WWOX: variants seen among roughly 807,000 people sequenced by gnomAD.
WWOX encodes WW domain-containing oxidoreductase.
In WWOX, 69 loss-of-function variants were observed where a neutral mutation model predicts 46.2. That is an observed-to-expected ratio of 1.49 (90% CI 1.23 to 1.82). WWOX has a LOEUF of 1.82. Among genes scored for constraint, WWOX ranks in the 40% most tolerant of loss-of-function variants. The pLI is 0.00. For synonymous variants in WWOX, 359 were observed against 202.6 expected (o/e 1.77, Z -6.56); for missense variants, 919 against 542.6 (o/e 1.69, Z -6.89).
intron 4 of WWOX, among the ~76,000 whole-genome samples, chr16:78,117,066 G>T (rs1470249113): frequency 6.6e-6 from 1 of 152,232 alleles, no homozygotes; most frequent in Non-Finnish European, 1.5e-5. Context: ...AGGAGATTCT[G>T]AAGCATTGAG....
At chr16:78,432,902 T>G in intron 8 of WWOX, 150 bp downstream of exon 8, 2 of 1,268,884 alleles carry the variant, frequency 1.6e-6, no homozygotes, top group Non-Finnish European at 2.3e-6. Flanking sequence ...GAACACATTT[T>G]CATCAACTTT....
intron 8 of WWOX, among the ~76,000 whole-genome samples, chr16:78,754,094 T>G (rs965612885): frequency 1.5e-4 from 23 of 151,998 alleles, no homozygotes; most frequent in Admixed American, 2.6e-4. Context: ...CTAAGTATTA[T>G]TAGATTGTGA....
chr16:78,223,909 A>T (rs1407865772), intron 5 of WWOX, among the ~76,000 whole-genome samples: 1 of 152,230 alleles, frequency 6.6e-6, no homozygotes, highest in African/African-American at 2.4e-5. Flanking sequence ...TGTTTTATAG[A>T]TGAGGAAACA....
intron 8 of WWOX, among the ~76,000 whole-genome samples, chr16:78,585,684 TTTGTTTTTTTTTG>T (rs2045181422): frequency 1.3e-5 from 2 of 149,572 alleles, no homozygotes; most frequent in Admixed American, 1.3e-4. Flanking sequence ...GGTTTTTTTT[TTTGTTTTTTTTTG>T]TTTTTTTTGT....
rs1243260885 is a variant in WWOX at position 79,185,442 on chromosome 16, T to G, written c.1057-26166T>G. Among the ~76,000 whole-genome samples, 3 of 152,232 alleles carry G rather than the reference T, an allele frequency of 2.0e-5. No individual in the cohort carries two copies. The East Asian group carries it at 5.8e-4, about 29-fold the overall frequency. On this transcript the variant is annotated intron_variant, in intron 8 of 8. Transcript: ENST00000566780. Reference sequence around the variant, plus strand: ...ATATTTTCTAACTGGGAGACAATTTTTTTCTTTAACAATTACTTTTGGACA... The same window carrying G: ...ATATTTTCTAACTGGGAGACAATTTGTTTCTTTAACAATTACTTTTGGACA...
At chr16:78,595,055 T>C (rs983348000) in intron 8 of WWOX, among the ~76,000 whole-genome samples, 10 of 152,180 alleles carry the variant, frequency 6.6e-5, no homozygotes, top group African/African-American at 2.4e-4. Context: ...GTCAAGAGGC[T>C]TGGGGACCCC....
chr16:78,710,378 T>C (rs1567507407), intron 8 of WWOX, among the ~76,000 whole-genome samples: 1 of 149,006 alleles, frequency 6.7e-6, no homozygotes, highest in Non-Finnish European at 1.5e-5. Flanking sequence ...GCACTAACCC[T>C]CCAGAGCCTT....
chr16:78,560,907 C>A (rs977993711), intron 8 of WWOX, among the ~76,000 whole-genome samples: 2 of 152,060 alleles, frequency 1.3e-5, no homozygotes, highest in African/African-American at 2.4e-5. Context: ...ACACACTTAG[C>A]AGTTCACATT....
intron 6 of WWOX, among the ~76,000 whole-genome samples, chr16:78,391,969 C>T (rs1206481996): frequency 6.6e-6 from 1 of 150,910 alleles, no homozygotes; most frequent in East Asian, 1.9e-4. Context: ...AAGGTCGATG[C>T]ATTTTTAATC....
At chr16:78,931,202 A>T (rs1212106594) in intron 8 of WWOX, among the ~76,000 whole-genome samples, 1 of 152,328 alleles carries the variant, frequency 6.6e-6, no homozygotes, top group Admixed American at 6.5e-5. Context: ...CACACTCAGG[A>T]ATAGTGGAAA....
intron 6 of WWOX, among the ~76,000 whole-genome samples, chr16:78,422,780 TATATACACACACAC>T (rs1335777926): frequency 4.7e-5 from 6 of 127,730 alleles, no homozygotes; most frequent in East Asian, 2.2e-4. Context: ...CACACATATA[TATATACACACACAC>T]ATATATATAC....
intron 5 of WWOX, among the ~76,000 whole-genome samples, chr16:78,187,413 C>T (rs1006342563): frequency 2.0e-5 from 3 of 152,172 alleles, no homozygotes; most frequent in Non-Finnish European, 4.4e-5. Context: ...GAGTTCTAGA[C>T]CAACATGGTG....
At chr16:78,115,315 A>G (rs781033077) in intron 4 of WWOX, among the ~76,000 whole-genome samples, 161 bp downstream of exon 4, 18 of 152,122 alleles carry the variant, frequency 1.2e-4, no homozygotes, top group Non-Finnish European at 2.1e-4. Context: ...TTTAAATCCT[A>G]ATGTTGTCAT....
At chr16:78,792,688 C>G (rs779784434) in intron 8 of WWOX, among the ~76,000 whole-genome samples, 57 of 152,108 alleles carry the variant, frequency 3.7e-4, no homozygotes, top group Non-Finnish European at 6.9e-4. Context: ...ATGGATAGAG[C>G]TTACTATACA....
intron 8 of WWOX, among the ~76,000 whole-genome samples, chr16:78,546,034 A>G (rs1185122095): frequency 6.6e-6 from 1 of 152,168 alleles, no homozygotes; most frequent in Non-Finnish European, 1.5e-5. Flanking sequence ...AGTCTGTAAC[A>G]TGCTCTATGC....
At chr16:78,323,104 A>AT (rs199808142) in intron 5 of WWOX, among the ~76,000 whole-genome samples, 38 of 150,820 alleles carry the variant, frequency 2.5e-4, no homozygotes, top group East Asian at 1.2e-3. Flanking sequence ...GGGTTCTTGT[A>AT]TTTTTTTTTG....
chr16:79,153,476 C>T (rs138588071), intron 8 of WWOX, among the ~76,000 whole-genome samples: 195 of 152,220 alleles, frequency 1.3e-3, no homozygotes, highest in African/African-American at 4.5e-3. Context: ...ATCGGGAATG[C>T]CTTTTGTCGT....
At chr16:78,324,356 G>A (rs2080561195) in intron 5 of WWOX, among the ~76,000 whole-genome samples, 1 of 152,054 alleles carries the variant, frequency 6.6e-6, no homozygotes, top group African/African-American at 2.4e-5. Context: ...GATGTAAAAT[G>A]GTACAGCTAA....
In WWOX at chr16:78,964,690, G is replaced by A. The variant is rs1452420816; in HGVS notation, c.1057-246918G>A. 5.9e-5 allele frequency among the ~76,000 whole-genome samples: 9 copies of A among 152,336 alleles called. 1 individual carries two copies. The highest frequency in any genetic ancestry group is 3.9e-4 in the East Asian group (2 of 5,180). On this transcript the variant is annotated intron_variant, in intron 8 of 8. Coordinates refer to ENST00000566780, the MANE Select transcript of WWOX (RefSeq NM_016373.4). Reference sequence around the variant, plus strand: ...TGGCAAGGAACCTAATGTTAATCTCGAAGACCATGAGGAAAATGTCTCCAG... The same window carrying A: ...TGGCAAGGAACCTAATGTTAATCTCAAAGACCATGAGGAAAATGTCTCCAG...
Sources: gnomAD v4.1 joint callset for allele counts (sites outside exome capture counted in the v4.1 genomes callset) on GRCh38, gnomAD v4.1.1 for gene constraint, MANE v1.5 for transcripts, NCBI Gene and HGNC (gene_info 2026-07-23, HGNC 2026-07-21) for gene names.